Variants in NRG3 observed in about 807,000 individuals in gnomAD.
NRG3 encodes pro-neuregulin-3, membrane-bound isoform.
NRG3 carries 31 observed loss-of-function variants against 66.9 expected under a neutral mutation model. That is an observed-to-expected ratio of 0.46 (90% CI 0.35 to 0.63). The LOEUF (loss-of-function observed/expected upper bound fraction) is 0.63, where lower values mean the gene tolerates loss of function less well. Among genes scored for constraint, NRG3 ranks in the 20% least tolerant of loss-of-function variants. NRG3 has a pLI of 0.00. For missense variants in NRG3, 910 were observed against 878.9 expected (o/e 1.04, Z -0.45); for synonymous variants, 393 against 359.4 (o/e 1.09, Z -1.06).
chr10:82,509,264 C>T (rs1186054713), intron 2 of NRG3, among the ~76,000 whole-genome samples: 3 of 152,118 alleles, frequency 2.0e-5, no homozygotes, highest in African/African-American at 7.2e-5. Flanking sequence ...GGTACATGTT[C>T]AGGTTTGTTA....
chr10:82,677,268 G>A (rs953320496), intron 2 of NRG3, among the ~76,000 whole-genome samples: 6 of 151,888 alleles, frequency 4.0e-5, no homozygotes, highest in African/African-American at 1.5e-4. Context: ...GCCCAGGCTG[G>A]TCTCAACTCC....
At chr10:82,114,922 CA>C (rs2067614102) in intron 1 of NRG3, among the ~76,000 whole-genome samples, 1 of 152,158 alleles carries the variant, frequency 6.6e-6, no homozygotes. Context: ...CAATTGAAAT[CA>C]TTGAATCATA....
At chr10:82,183,988 T>A (rs1330624602) in intron 1 of NRG3, among the ~76,000 whole-genome samples, 1 of 152,122 alleles carries the variant, frequency 6.6e-6, no homozygotes, top group Non-Finnish European at 1.5e-5. Context: ...GGATAACATC[T>A]ACTTTTTTGC....
chr10:82,434,464 G>C (rs2090008718), intron 2 of NRG3, among the ~76,000 whole-genome samples: 1 of 151,986 alleles, frequency 6.6e-6, no homozygotes, highest in South Asian at 2.1e-4. Context: ...TGATTTCCCT[G>C]GCCAGAACTT....
intron 3 of NRG3, among the ~76,000 whole-genome samples, chr10:82,802,647 A>G (rs370885213): frequency 6.6e-6 from 1 of 151,750 alleles, no homozygotes. Context: ...CAGGCCCTTT[A>G]TTTTTATTTT....
chr10:82,944,776 A>G (rs1848861298), intron 4 of NRG3, among the ~76,000 whole-genome samples: 1 of 152,216 alleles, frequency 6.6e-6, no homozygotes, highest in Non-Finnish European at 1.5e-5. Context: ...GAAGAGAGAA[A>G]ATGTTCGAAA....
At chr10:82,520,752 G>A (rs1846105253) in intron 2 of NRG3, among the ~76,000 whole-genome samples, 1 of 152,152 alleles carries the variant, frequency 6.6e-6, no homozygotes, top group South Asian at 2.1e-4. Context: ...AAAATTTAAA[G>A]TACTTTGGGT....
Position 82,256,396 on chromosome 10 carries a change from A to G in NRG3, c.824-102343A>G, listed in dbSNP as rs1295354981. Among the ~76,000 whole-genome samples the G allele has an allele frequency of 2.0e-5, 3 of 152,134 alleles. No individual in the cohort carries two copies. In the South Asian group the frequency reaches 6.2e-4, roughly 32 times the overall value. The stretch of plus-strand genomic sequence containing the variant: ...ATTTTGAATGCTTTGTATACTGTAG[A>G]GTGCTCCACAAAGTCAGGAAGCTCT... On this transcript the variant is annotated intron_variant, in intron 1 of 8. Coordinates refer to ENST00000372141, the MANE Select transcript of NRG3 (RefSeq NM_001010848.4).
chr10:82,082,963 C>T (rs143808903), intron 1 of NRG3, among the ~76,000 whole-genome samples: 18 of 149,114 alleles, frequency 1.2e-4, no homozygotes, highest in Admixed American at 5.3e-4. Context: ...TTTTTTCAGA[C>T]GGGGTCTTGC....
chr10:81,999,428 G>C (rs1387310458), intron 1 of NRG3, among the ~76,000 whole-genome samples: 8 of 152,140 alleles, frequency 5.3e-5, no homozygotes, highest in Admixed American at 5.2e-4. Flanking sequence ...TTGGCCACAT[G>C]AGCAGTTAAA....
chr10:82,423,867 G>A (rs1283368221), intron 2 of NRG3, among the ~76,000 whole-genome samples: 1 of 151,904 alleles, frequency 6.6e-6, no homozygotes, highest in Non-Finnish European at 1.5e-5. Flanking sequence ...GTCTAGTATG[G>A]ACATTTCATA....
chr10:81,923,919 T>C (rs1169099017), intron 1 of NRG3, among the ~76,000 whole-genome samples: 1 of 152,318 alleles, frequency 6.6e-6, no homozygotes, highest in South Asian at 2.1e-4. Flanking sequence ...GGTGAGCATG[T>C]AGAAACAGGC....
chr10:82,783,091 G>A (rs530126860), intron 3 of NRG3, among the ~76,000 whole-genome samples: 1 of 152,232 alleles, frequency 6.6e-6, no homozygotes, highest in Admixed American at 6.5e-5. Context: ...CATATAAACA[G>A]AACCAATGAC....
At chr10:82,845,414 T>G (rs12779526) in intron 3 of NRG3, among the ~76,000 whole-genome samples, 26,789 of 152,138 alleles carry the variant, frequency 0.18, 2,421 homozygotes, top group Middle Eastern at 0.25. Context: ...TTTACACTTA[T>G]GTCATTATTG....
chr10:82,439,679 A>T (rs2090330923), intron 2 of NRG3, among the ~76,000 whole-genome samples: 1 of 151,930 alleles, frequency 6.6e-6, no homozygotes, highest in South Asian at 2.1e-4. Flanking sequence ...GGAAGTCCTG[A>T]TTTCTATTTT....
intron 1 of NRG3, among the ~76,000 whole-genome samples, chr10:82,096,006 C>T (rs930730020): frequency 6.6e-6 from 1 of 151,974 alleles, no homozygotes; most frequent in Non-Finnish European, 1.5e-5. Context: ...TGCATAATGT[C>T]ATGAAAGTGA....
chr10:81,990,742 T>C (rs2060707930), intron 1 of NRG3, among the ~76,000 whole-genome samples: 2 of 152,172 alleles, frequency 1.3e-5, no homozygotes, highest in South Asian at 4.1e-4. Context: ...AGAGTATTAT[T>C]GGTATTTATG....
At chr10:82,322,037 TTATGA>T (rs1389044386) in intron 1 of NRG3, among the ~76,000 whole-genome samples, 2 of 152,214 alleles carry the variant, frequency 1.3e-5, no homozygotes, top group Non-Finnish European at 2.9e-5. Context: ...CTCCATTATC[TTATGA>T]TATTTTATTA....
At chr10:82,367,477 T>G (rs2084610224) in intron 2 of NRG3, among the ~76,000 whole-genome samples, 1 of 152,172 alleles carries the variant, frequency 6.6e-6, no homozygotes, top group Non-Finnish European at 1.5e-5. Flanking sequence ...AGTCTGATTA[T>G]TTAAAGAAGA....
Sources: allele counts gnomAD v4.1 joint callset (sites outside exome capture counted in the v4.1 genomes callset), GRCh38; gene constraint gnomAD v4.1.1; transcripts MANE v1.5; gene names NCBI Gene and HGNC (gene_info 2026-07-23, HGNC 2026-07-21).